PHLPP1: variants seen among roughly 807,000 people sequenced by gnomAD.
The protein encoded by PHLPP1 is PH domain and leucine rich repeat protein phosphatase 1.
A neutral mutation model predicts 117.2 loss-of-function variants in PHLPP1; 42 were observed. The observed-to-expected ratio is 0.36, with a 90% CI of 0.28 to 0.46. PHLPP1 has a LOEUF of 0.46. Ranked by LOEUF, PHLPP1 falls within the 20% of genes least tolerant of loss-of-function variation. The probability of loss-of-function intolerance (pLI) is 1.00; values close to 1 mark genes in which losing one functional copy is unlikely to be tolerated. For synonymous variants in PHLPP1, 1,042 were observed against 970.7 expected, an observed-to-expected ratio of 1.07 and a Z score of -1.37; for missense variants, 2,084 against 2,241.9, an observed-to-expected ratio of 0.93 and a Z score of 1.42.
chr18:62,961,727 G>T (rs1275726458), intron 13 of PHLPP1, among the ~76,000 whole-genome samples: 1 of 151,744 alleles, frequency 6.6e-6, no homozygotes, highest in Non-Finnish European at 1.5e-5. Flanking sequence ...TGAAAACTTT[G>T]AAAAAAAGAT....
At chr18:62,830,348 C>T in intron 2 of PHLPP1, 117 bp downstream of exon 2, 2 of 766,852 alleles carry the variant, frequency 2.6e-6, no homozygotes, top group Non-Finnish European at 2.1e-6. Context: ...TCAAGCGATT[C>T]TCCTGCCTCA....
intron 8 of PHLPP1, among the ~76,000 whole-genome samples, chr18:62,913,773 C>T (rs1442953935): frequency 2.1e-4 from 21 of 98,474 alleles, no homozygotes; most frequent in South Asian, 6.8e-4. Context: ...GACAGAGTTT[C>T]GCTCTTGTTG....
chr18:62,777,535 C>T (rs1912997265), intron 1 of PHLPP1, among the ~76,000 whole-genome samples: 1 of 150,560 alleles, frequency 6.6e-6, no homozygotes, highest in South Asian at 2.1e-4. Flanking sequence ...TACATATTAT[C>T]TAAAGGGTGT....
At chr18:62,720,486 C>T (rs1910882655) in intron 1 of PHLPP1, among the ~76,000 whole-genome samples, 1 of 152,032 alleles carries the variant, frequency 6.6e-6, no homozygotes, top group Non-Finnish European at 1.5e-5. Flanking sequence ...TCTTTTTATC[C>T]CTGTCATATT....
chr18:62,773,644 A>G (rs931318594), intron 1 of PHLPP1, among the ~76,000 whole-genome samples: 9 of 152,288 alleles, frequency 5.9e-5, no homozygotes, highest in South Asian at 4.1e-4. Context: ...AATGTAGTGT[A>G]TCTCCACCCT....
chr18:62,807,723 A>G (rs1913989849), intron 1 of PHLPP1, among the ~76,000 whole-genome samples: 1 of 152,204 alleles, frequency 6.6e-6, no homozygotes. Context: ...ACACAATGGG[A>G]AGTATTAGTG....
At chr18:62,782,794 C>T (rs980316255) in intron 1 of PHLPP1, among the ~76,000 whole-genome samples, 5 of 151,986 alleles carry the variant, frequency 3.3e-5, no homozygotes, top group African/African-American at 7.3e-5. Context: ...TGACTCTTGG[C>T]GGTGTTAAAG....
intron 1 of PHLPP1, among the ~76,000 whole-genome samples, chr18:62,721,427 T>G (rs1182927440): frequency 6.7e-6 from 1 of 150,170 alleles, no homozygotes; most frequent in Non-Finnish European, 1.5e-5. Context: ...TTGAGGGGTG[T>G]GGGTGTGTGT....
At chr18:62,794,893 T>C (rs1398465244) in intron 1 of PHLPP1, among the ~76,000 whole-genome samples, 1 of 152,148 alleles carries the variant, frequency 6.6e-6, no homozygotes, top group Non-Finnish European at 1.5e-5. Flanking sequence ...ATACTTTTAC[T>C]AACCTAACCA....
At chr18:62,794,192 C>A (rs1445154228) in intron 1 of PHLPP1, among the ~76,000 whole-genome samples, 1 of 151,904 alleles carries the variant, frequency 6.6e-6, no homozygotes, top group African/African-American at 2.4e-5. Flanking sequence ...ATCTATCCCC[C>A]CCGAAAAAAG....
Position 62,975,928 on chromosome 18 carries a change from C to T in PHLPP1, c.3984+303C>T, listed in dbSNP as rs565379168. Reference sequence around the variant, plus strand: ...TGAGGGCTCTACCCCTGACATCACACTGCTAGTTTTCATATCTTAGCTCTG... The same window carrying T: ...TGAGGGCTCTACCCCTGACATCACATTGCTAGTTTTCATATCTTAGCTCTG... On this transcript the variant is annotated intron_variant, in intron 16 of 16. Transcript: ENST00000262719. Among the ~76,000 whole-genome samples, 92 of 152,326 alleles carry T rather than the reference C, an allele frequency of 6.0e-4. 1 individual carries two copies. Among genetic ancestry groups the T allele is most frequent in the Middle Eastern group, 3.4e-3 (1 of 294 alleles).
chr18:62,895,153 C>T lies in PHLPP1; in HGVS notation c.2209C>T (p.His737Tyr). 6.2e-7 allele frequency: 1 copy of T among 1,613,500 alleles called. No homozygotes were observed. Among genetic ancestry groups the T allele is most frequent in the Non-Finnish European group, 8.5e-7 (1 of 1,179,764 alleles). The change falls in exon 5 of 17, where the codon CAC becomes TAC. Residue 737 changes from histidine (H) to tyrosine (Y), a missense_variant. By Grantham distance (83) the His-to-Tyr change is moderately conservative (BLOSUM62 2). This residue lies in a region of PHLPP1 where 1,365 missense variants were observed against 1,605.9 expected (regional missense o/e 0.85). Coordinates refer to ENST00000262719, the MANE Select transcript of PHLPP1 (RefSeq NM_194449.4). ...RSVPAAVGVM[H>Y]NLQTFLLDGN... ...AGTCCCGGCAGCCGTTGGAGTGATG[C>T]ACAAGTGTGTACTTCAAACCCCACT...
chr18:62,718,355 G>C (rs1014602779), intron 1 of PHLPP1, among the ~76,000 whole-genome samples: 2 of 152,186 alleles, frequency 1.3e-5, no homozygotes, highest in Non-Finnish European at 2.9e-5. Flanking sequence ...TTAATTTGTA[G>C]CCATTCTTTA....
At chr18:62,879,200 C>T (rs185612327) in intron 4 of PHLPP1, among the ~76,000 whole-genome samples, 1 of 152,248 alleles carries the variant, frequency 6.6e-6, no homozygotes, top group African/African-American at 2.4e-5. Flanking sequence ...CATGAGGGCT[C>T]TACCTTCATG....
At chr18:62,946,792 G>A (rs547766210) in intron 12 of PHLPP1, among the ~76,000 whole-genome samples, 1 of 152,084 alleles carries the variant, frequency 6.6e-6, no homozygotes, top group Admixed American at 6.5e-5. Context: ...GGTGGCTCAC[G>A]CCGGTAATCC....
At position 62,849,828 on chromosome 18, in the gene PHLPP1, A is replaced by AT. The variant is rs1297336371; in HGVS notation, c.1900-10607_1900-10606insT. On this transcript the variant is annotated intron_variant, in intron 3 of 16. Transcript: ENST00000262719. The stretch of plus-strand genomic sequence containing the variant: ...AAAAAAAAAAAAAAAAAAAAAAAAA[A>AT]AAAAATATATATATCCTTTAAAGTT... Among the ~76,000 whole-genome samples the AT allele has an allele frequency of 2.1e-3, 55 of 26,106 alleles. 5 individuals carry two copies. The highest frequency in any genetic ancestry group is 3.1e-3 in the African/African-American group (23 of 7,344). 17.1% of individuals were successfully genotyped at this position (26,106 alleles called of 152,430 possible).
At chr18:62,860,660 C>A in intron 4 of PHLPP1, 59 bp downstream of exon 4, 1 of 1,314,538 alleles carries the variant, frequency 7.6e-7, no homozygotes, top group Non-Finnish European at 1.1e-6. Context: ...TGAACTTCTG[C>A]TTGTTATCTC....
rs938755503 is a variant in PHLPP1 at position 62,757,212 on chromosome 18, C to T, written c.1576+39953C>T. 2.0e-5 allele frequency among the ~76,000 whole-genome samples: 3 copies of T among 152,148 alleles called. No individual in the cohort carries two copies. In the South Asian group the frequency reaches 6.2e-4, roughly 32 times the overall value. ...CATAATCTCTTATTAGTTTATAGAA[C>T]GACTACTGAAACAAACAGAAACCTA... On this transcript the variant is annotated intron_variant, in intron 1 of 16. Transcript: ENST00000262719.
At chr18:62,932,844 G>A (rs751004812) in intron 10 of PHLPP1, among the ~76,000 whole-genome samples, 14 of 152,070 alleles carry the variant, frequency 9.2e-5, no homozygotes, top group African/African-American at 2.2e-4. Flanking sequence ...TTGATGATAC[G>A]ATTCTATACC....
Sources: gnomAD v4.1 joint callset for allele counts (sites outside exome capture counted in the v4.1 genomes callset) on GRCh38, gnomAD v4.1.1 for gene constraint, gnomAD v4.1.1 regional missense constraint, MANE v1.5 for transcripts, NCBI Gene and HGNC (gene_info 2026-07-23, HGNC 2026-07-21) for gene names.